The following SNX24 variants were observed in gnomAD, a reference collection of about 807,000 sequenced individuals.
SNX24 encodes sorting nexin 24.
In SNX24, 22 loss-of-function variants were observed where a neutral mutation model predicts 28.7. The observed-to-expected ratio is 0.77, with a 90% CI of 0.55 to 1.10. The LOEUF is 1.10. Ranked by LOEUF, SNX24 falls within the 50% of genes least tolerant of loss-of-function variation. The pLI, the probability that SNX24 is intolerant of heterozygous loss-of-function variation, is 0.00. For missense variants in SNX24, 221 were observed against 201.1 expected (o/e 1.10, Z -0.60); for synonymous variants, 69 against 71.5 (o/e 0.96, Z 0.18).
chr5:122,948,197 C>T (rs1759774201), intron 3 of SNX24, among the ~76,000 whole-genome samples: 1 of 152,174 alleles, frequency 6.6e-6, no homozygotes, highest in African/African-American at 2.4e-5. Flanking sequence ...AACACTTAAT[C>T]TTAAATGAAA....
intron 3 of SNX24, among the ~76,000 whole-genome samples, chr5:122,996,842 A>G (rs1762068351): frequency 6.6e-6 from 1 of 152,240 alleles, no homozygotes; most frequent in African/African-American, 2.4e-5. Context: ...TTTGATATTC[A>G]AAAATTTGAT....
chr5:122,996,144 G>A (rs547897070), intron 3 of SNX24, among the ~76,000 whole-genome samples: 6 of 152,136 alleles, frequency 3.9e-5, no homozygotes, highest in East Asian at 1.9e-4. Flanking sequence ...AATGCCAAAC[G>A]TTTTCAACTC....
chr5:122,877,362 G>A (rs1293122697), intron 1 of SNX24, among the ~76,000 whole-genome samples: 4 of 152,282 alleles, frequency 2.6e-5, no homozygotes, highest in South Asian at 4.2e-4. Flanking sequence ...AAACCAGGCT[G>A]ATTGAACTTA....
chr5:123,007,648 C>CTT, intron 6 of SNX24, 34 bp from the exon 7 acceptor site: 13 of 1,388,676 alleles, frequency 9.4e-6, no homozygotes, highest in East Asian at 2.5e-5. Context: ...AGCAGTTTTT[C>CTT]TTTTTTTTTT....
chr5:122,937,626 A>C (rs1340751736), intron 2 of SNX24, among the ~76,000 whole-genome samples: 1 of 152,176 alleles, frequency 6.6e-6, no homozygotes, highest in African/African-American at 2.4e-5. Context: ...TTAGTGAGAG[A>C]TTAGTGAGAC....
intron 3 of SNX24, among the ~76,000 whole-genome samples, chr5:122,949,092 T>A (rs182558474): frequency 1.3e-5 from 2 of 152,328 alleles, no homozygotes; most frequent in African/African-American, 4.8e-5. Context: ...TTACCTATTT[T>A]CAAAATTAAT....
At chr5:122,969,331 T>C (rs544415678) in intron 3 of SNX24, among the ~76,000 whole-genome samples, 28 of 152,320 alleles carry the variant, frequency 1.8e-4, no homozygotes, top group Non-Finnish European at 2.9e-5. Context: ...TGAATTCTAG[T>C]TGTGGCAATG....
At chr5:122,867,316 A>T (rs963829678) in intron 1 of SNX24, among the ~76,000 whole-genome samples, 2 of 152,184 alleles carry the variant, frequency 1.3e-5, no homozygotes, top group Non-Finnish European at 2.9e-5. Context: ...AAGTCCAGGG[A>T]TGATAGTTCT....
intron 1 of SNX24, among the ~76,000 whole-genome samples, chr5:122,866,752 C>G (rs923239359): frequency 1.3e-5 from 2 of 152,188 alleles, no homozygotes; most frequent in African/African-American, 4.8e-5. Flanking sequence ...GTCACCCCAG[C>G]CAGTACATAG....
At chr5:122,982,971 A>G (rs1179015098) in intron 3 of SNX24, 1 of 152,156 alleles carries the variant, frequency 6.6e-6, no homozygotes, top group East Asian at 1.9e-4. Context: ...AGTACTGGTA[A>G]TAATAATGCA....
intron 1 of SNX24, among the ~76,000 whole-genome samples, chr5:122,858,449 A>G (rs1437479528): frequency 6.6e-6 from 1 of 152,204 alleles, no homozygotes; most frequent in Non-Finnish European, 1.5e-5. Flanking sequence ...CTGTATCTGA[A>G]TTGTTCTCCA....
chr5:122,905,167 G>A (rs1757595094), intron 1 of SNX24, among the ~76,000 whole-genome samples: 1 of 152,170 alleles, frequency 6.6e-6, no homozygotes, highest in African/African-American at 2.4e-5. Context: ...AGGTTTTGTG[G>A]GTGGGGTGTT....
At chr5:122,954,085 G>A (rs1250104818) in intron 3 of SNX24, among the ~76,000 whole-genome samples, 2 of 151,982 alleles carry the variant, frequency 1.3e-5, no homozygotes, top group Admixed American at 6.6e-5. Flanking sequence ...GGGTCAAAGA[G>A]TATTGTATCT....
chr5:123,007,078 C>G (rs187919037), intron 6 of SNX24, among the ~76,000 whole-genome samples: 26 of 152,294 alleles, frequency 1.7e-4, no homozygotes, highest in Admixed American at 8.5e-4. Flanking sequence ...CTGTAACATA[C>G]TTTGCACCCC....
intron 2 of SNX24, among the ~76,000 whole-genome samples, chr5:122,945,821 C>T (rs1759657207): frequency 2.0e-5 from 3 of 152,022 alleles, no homozygotes; most frequent in Non-Finnish European, 2.9e-5. Flanking sequence ...GAAATATCAA[C>T]AATAATACCT....
intron 5 of SNX24, chr5:123,023,339 T>G (rs1762790758): frequency 6.6e-6 from 1 of 152,278 alleles, no homozygotes; most frequent in African/African-American, 2.4e-5. Context: ...TTTTTGTATA[T>G]TTCTTAAAGA....
chr5:122,893,017 C>G (rs1757041757), intron 1 of SNX24, among the ~76,000 whole-genome samples: 1 of 151,996 alleles, frequency 6.6e-6, no homozygotes, highest in South Asian at 2.1e-4. Context: ...CCACCCACCT[C>G]GGCCTCCCAA....
intron 3 of SNX24, among the ~76,000 whole-genome samples, chr5:122,981,853 C>G (rs1176548245): frequency 2.6e-5 from 4 of 152,118 alleles, no homozygotes; most frequent in African/African-American, 9.7e-5. Context: ...ATCCATTAGT[C>G]TTTGACTCTA....
At chr5:122,975,213 C>G (rs1367528680) in intron 3 of SNX24, among the ~76,000 whole-genome samples, 1 of 152,210 alleles carries the variant, frequency 6.6e-6, no homozygotes, top group Non-Finnish European at 1.5e-5. Flanking sequence ...ATTATCAGTC[C>G]TGTATGTCAC....
Sources: gnomAD v4.1 joint callset for allele counts (sites outside exome capture counted in the v4.1 genomes callset) on GRCh38, gnomAD v4.1.1 for gene constraint, MANE v1.5 for transcripts, NCBI Gene and HGNC (gene_info 2026-07-23, HGNC 2026-07-21) for gene names.